The following AGMO variants were observed in gnomAD, a reference collection of about 807,000 sequenced individuals.
AGMO encodes glyceryl-ether monooxygenase.
Under a neutral mutation model 60.2 loss-of-function variants are expected in AGMO, and 75 were observed. The ratio of observed to expected loss-of-function variants is 1.25; its 90% CI spans 1.03 to 1.51. The LOEUF (loss-of-function observed/expected upper bound fraction) is 1.51, where lower values mean the gene tolerates loss of function less well. AGMO is among the 40% of genes most tolerant of loss of function. The pLI is 0.00. For missense variants in AGMO, 763 were observed against 525.5 expected (o/e 1.45, Z -4.42); for synonymous variants, 261 against 177.1 (o/e 1.47, Z -3.76).
intron 12 of AGMO, among the ~76,000 whole-genome samples, chr7:15,331,067 C>T (rs1429484157): frequency 6.6e-6 from 1 of 151,986 alleles, no homozygotes; most frequent in African/African-American, 2.4e-5. Context: ...CCTTTGAGAA[C>T]CTTTGGGCAA....
intron 12 of AGMO, among the ~76,000 whole-genome samples, chr7:15,274,588 A>G (rs1783722940): frequency 6.6e-6 from 1 of 151,856 alleles, no homozygotes; most frequent in African/African-American, 2.4e-5. Flanking sequence ...TACTGCTTTT[A>G]TAAAATCAGT....
At chr7:15,233,796 A>G (rs1782330678) in intron 12 of AGMO, among the ~76,000 whole-genome samples, 1 of 152,162 alleles carries the variant, frequency 6.6e-6, no homozygotes, top group Admixed American at 6.5e-5. Context: ...TCACACCTGT[A>G]ATCCCAGCAT....
At position 15,509,371 on chromosome 7, in the gene AGMO, C is replaced by CAA. The variant is rs56841825; in HGVS notation, c.409+35399_409+35400dup. ...GTTGTGAGAACTGTAGACCCACATG[C>CAA]AAAAAAAAAAATAAAAATGAAACTG... On this transcript the variant is annotated intron_variant, in intron 3 of 12. Coordinates refer to ENST00000342526, the MANE Select transcript of AGMO (RefSeq NM_001004320.2). Among the ~76,000 whole-genome samples, 296 of 145,738 alleles carry CAA rather than the reference C, an allele frequency of 2.0e-3. 1 individual carries two copies. The highest frequency in any genetic ancestry group is 8.3e-3 in the East Asian group (42 of 5,066).
chr7:15,413,076 T>C (rs1421727783), intron 5 of AGMO, among the ~76,000 whole-genome samples: 2 of 152,174 alleles, frequency 1.3e-5, no homozygotes, highest in Admixed American at 6.5e-5. Context: ...TTTTAAATAA[T>C]TATTACATTT....
chr7:15,219,721 C>T (rs1165515748), intron 12 of AGMO, among the ~76,000 whole-genome samples: 2 of 151,918 alleles, frequency 1.3e-5, no homozygotes, highest in Non-Finnish European at 2.9e-5. Flanking sequence ...GACACCATCT[C>T]AGTAAGCTGA....
At chr7:15,531,972 T>C (rs1202799433) in intron 3 of AGMO, among the ~76,000 whole-genome samples, 2 of 152,032 alleles carry the variant, frequency 1.3e-5, no homozygotes, top group East Asian at 1.9e-4. Context: ...CCTGGCCCAA[T>C]AGCTTTTAAA....
At chr7:15,348,367 T>C (rs941910862) in intron 12 of AGMO, among the ~76,000 whole-genome samples, 5 of 151,992 alleles carry the variant, frequency 3.3e-5, no homozygotes, top group African/African-American at 1.2e-4. Context: ...TTGCATTGAA[T>C]GATCGATGAA....
chr7:15,560,956 A>T (rs571436497), intron 1 of AGMO, among the ~76,000 whole-genome samples: 5 of 152,320 alleles, frequency 3.3e-5, no homozygotes, highest in Non-Finnish European at 5.9e-5. Flanking sequence ...TTAAAAACTC[A>T]GAAAGAAAGT....
rs140163648 is a variant in AGMO at position 15,217,214 on chromosome 7, G to A, written c.1264-15855C>T. Among the ~76,000 whole-genome samples, 59 of 152,060 alleles carry A rather than the reference G, an allele frequency of 3.9e-4. No homozygotes were observed. In the East Asian group the frequency reaches 9.9e-3, roughly 25 times the overall value. ...CAATTTGTCATATGAAATTGTTGGG[G>A]CCCCCAAAGAAAGAAATGTTAAATA... is the stretch of plus-strand genomic sequence containing the variant. On this transcript the variant is annotated intron_variant, in intron 12 of 12. Transcript: ENST00000342526.
At chr7:15,532,965 T>C (rs947397685) in intron 3 of AGMO, among the ~76,000 whole-genome samples, 2 of 152,154 alleles carry the variant, frequency 1.3e-5, no homozygotes, top group Admixed American at 6.6e-5. Context: ...CACTCCAGCC[T>C]GGGTGACAGA....
chr7:15,467,134 G>T, intron 3 of AGMO, among the ~76,000 whole-genome samples: 1 of 152,140 alleles, frequency 6.6e-6, no homozygotes, highest in East Asian at 1.9e-4. Flanking sequence ...CCTATTCAGT[G>T]TAATAGTCTC....
intron 12 of AGMO, among the ~76,000 whole-genome samples, chr7:15,238,922 T>G (rs557742591): frequency 4.6e-5 from 7 of 152,122 alleles, no homozygotes; most frequent in Non-Finnish European, 8.8e-5. Context: ...CAGGCGCTAT[T>G]TAAAGTTGTT....
At chr7:15,151,876 A>G in the AGMO span, among the ~76,000 whole-genome samples, 2 of 152,138 alleles carry the variant, frequency 1.3e-5, no homozygotes, top group Non-Finnish European at 2.9e-5. Context: ...TTCTGTTTCA[A>G]TGATCTATCT....
chr7:15,277,345 A>G (rs1023844822), intron 12 of AGMO, among the ~76,000 whole-genome samples: 2 of 144,116 alleles, frequency 1.4e-5, no homozygotes, highest in Non-Finnish European at 3.0e-5. Flanking sequence ...AAATAAATAA[A>G]TAAATAAATT....
At chr7:15,171,011 T>C in the AGMO span, among the ~76,000 whole-genome samples, 125 of 152,292 alleles carry the variant, frequency 8.2e-4, 2 homozygotes, top group East Asian at 0.014. Flanking sequence ...AGTCTCGCTC[T>C]GTCACACAGG....
At chr7:15,181,598 T>G in the AGMO span, among the ~76,000 whole-genome samples, 3 of 152,208 alleles carry the variant, frequency 2.0e-5, no homozygotes. Context: ...AGAAAGGAGA[T>G]AAGCTTGTAG....
At chr7:15,552,592 A>G (rs1282863652) in intron 2 of AGMO, among the ~76,000 whole-genome samples, 5 of 149,638 alleles carry the variant, frequency 3.3e-5, no homozygotes, top group Non-Finnish European at 7.4e-5. Context: ...ACTGGCCATC[A>G]GAGAAATGCA....
chr7:15,420,340 T>A (rs995317053), intron 4 of AGMO, among the ~76,000 whole-genome samples: 5 of 152,216 alleles, frequency 3.3e-5, no homozygotes, highest in Non-Finnish European at 7.4e-5. Flanking sequence ...GAGTTTACCA[T>A]AGGATTAGAT....
At chr7:15,392,583 G>A (rs942962377) in intron 6 of AGMO, among the ~76,000 whole-genome samples, 2 of 152,122 alleles carry the variant, frequency 1.3e-5, no homozygotes, top group Non-Finnish European at 2.9e-5. Flanking sequence ...GAAGGATCAT[G>A]AGATCAGGAG....
Sources: gnomAD v4.1 joint callset for allele counts (sites outside exome capture counted in the v4.1 genomes callset) on GRCh38, gnomAD v4.1.1 for gene constraint, MANE v1.5 for transcripts, NCBI Gene and HGNC (gene_info 2026-07-23, HGNC 2026-07-21) for gene names.